ITGB3BP: variants seen among roughly 807,000 people sequenced by gnomAD.
ITGB3BP encodes the protein integrin subunit beta 3 binding protein, also known as centromere protein R.
A neutral mutation model predicts 29.1 loss-of-function variants in ITGB3BP; 27 were observed. The ratio of observed to expected loss-of-function variants is 0.93; its 90% CI spans 0.68 to 1.28. The LOEUF is 1.28. ITGB3BP is among the 50% of genes most tolerant of loss of function. ITGB3BP has a pLI of 0.00. For missense variants in ITGB3BP, 192 were observed against 200.2 expected (o/e 0.96, Z 0.25); for synonymous variants, 61 against 61.4 (o/e 0.99, Z 0.03).
intron 2 of ITGB3BP, among the ~76,000 whole-genome samples, chr1:63,506,882 A>G (rs1205345080): frequency 6.6e-6 from 1 of 152,200 alleles, no homozygotes; most frequent in Non-Finnish European, 1.5e-5. Flanking sequence ...GTAGGTATAT[A>G]TTTTGAATGT....
chr1:63,453,784 AAAAG>A, intron 7 of ITGB3BP, 130 bp downstream of exon 7: 1 of 611,648 alleles, frequency 1.6e-6, no homozygotes, highest in Non-Finnish European at 2.9e-6. Context: ...GTGATCTTCT[AAAAG>A]AACATACTTC....
intron 2 of ITGB3BP, among the ~76,000 whole-genome samples, chr1:63,528,362 T>C (rs1010809001): frequency 1.3e-5 from 2 of 152,108 alleles, no homozygotes; most frequent in African/African-American, 2.4e-5. Context: ...TTCTTTCTTA[T>C]CTGTGGGAGC....
chr1:63,485,390 T>C (rs542906666), intron 3 of ITGB3BP, among the ~76,000 whole-genome samples: 1 of 151,870 alleles, frequency 6.6e-6, no homozygotes, highest in African/African-American at 2.4e-5. Flanking sequence ...CCTCCTCACC[T>C]TCCATGATAG....
intron 1 of ITGB3BP, chr1:63,510,188 CA>C (rs67405755): frequency 3.8e-3 from 1,595 of 414,718 alleles, no homozygotes; most frequent in South Asian, 0.016. Flanking sequence ...AAAACTGTCT[CA>C]AAAAAAAAAG....
chr1:63,477,065 A>G (rs1232519831), intron 4 of ITGB3BP, among the ~76,000 whole-genome samples: 1 of 152,188 alleles, frequency 6.6e-6, no homozygotes, highest in African/African-American at 2.4e-5. Context: ...AAACACGCAA[A>G]TATTTGGAGC....
At chr1:63,456,008 C>T (rs1644931198) in intron 4 of ITGB3BP, among the ~76,000 whole-genome samples, 3 of 152,114 alleles carry the variant, frequency 2.0e-5, no homozygotes, top group Admixed American at 2.0e-4. Flanking sequence ...AACAGCACAT[C>T]TCATTTCATA....
chr1:63,514,557 T>C (rs1331591537), intron 1 of ITGB3BP, among the ~76,000 whole-genome samples: 1 of 152,226 alleles, frequency 6.6e-6, no homozygotes, highest in African/African-American at 2.4e-5. Context: ...TTTGTCTTTC[T>C]ACTGTTGATT....
intron 2 of ITGB3BP, among the ~76,000 whole-genome samples, chr1:63,491,267 A>ACTAAC (rs1424875773): frequency 6.6e-6 from 1 of 152,208 alleles, no homozygotes; most frequent in Non-Finnish European, 1.5e-5. Context: ...CTAAATGTGT[A>ACTAAC]CTAATGTGTA....
At chr1:63,511,496 C>T (rs534053597) in intron 1 of ITGB3BP, among the ~76,000 whole-genome samples, 1 of 152,144 alleles carries the variant, frequency 6.6e-6, no homozygotes, top group African/African-American at 2.4e-5. Context: ...ATGTTCACAG[C>T]AGCATTGCTC....
At chr1:63,471,659 T>C (rs944091821) in intron 4 of ITGB3BP, among the ~76,000 whole-genome samples, 1 of 152,240 alleles carries the variant, frequency 6.6e-6, no homozygotes. Flanking sequence ...TTTCCCATGC[T>C]GATAACAAAT....
chr1:63,501,354 T>C (rs1645924076), intron 2 of ITGB3BP, among the ~76,000 whole-genome samples: 1 of 152,008 alleles, frequency 6.6e-6, no homozygotes, highest in South Asian at 2.1e-4. Context: ...TTATGCTAAA[T>C]GAAAGAAGCC....
intron 2 of ITGB3BP, among the ~76,000 whole-genome samples, chr1:63,499,065 C>G (rs191637705): frequency 6.6e-6 from 1 of 151,010 alleles, no homozygotes; most frequent in Admixed American, 6.6e-5. Flanking sequence ...AATAAATCAA[C>G]AGCATGTAAA....
At chr1:63,488,533 G>A (rs978867095) in intron 3 of ITGB3BP, among the ~76,000 whole-genome samples, 3 of 151,990 alleles carry the variant, frequency 2.0e-5, no homozygotes, top group Admixed American at 6.6e-5. Flanking sequence ...GACTTCATAC[G>A]TCATATTTTC....
chr1:63,509,769 T>A (rs892288233), intron 1 of ITGB3BP, among the ~76,000 whole-genome samples: 1 of 152,190 alleles, frequency 6.6e-6, no homozygotes, highest in Non-Finnish European at 1.5e-5. Flanking sequence ...GATTTCCCAA[T>A]GAGGCAAGAA....
intron 3 of ITGB3BP, among the ~76,000 whole-genome samples, chr1:63,479,563 T>C (rs559311645): frequency 1.3e-5 from 2 of 152,262 alleles, no homozygotes; most frequent in South Asian, 2.1e-4. Context: ...TTAGCTGAAA[T>C]TTTTTATCAT....
chr1:63,453,075 A>C (rs1370755555), intron 7 of ITGB3BP, among the ~76,000 whole-genome samples: 1 of 152,214 alleles, frequency 6.6e-6, no homozygotes, highest in Non-Finnish European at 1.5e-5. Flanking sequence ...TCTGTTACCT[A>C]AGTAGAAGTC....
Position 63,499,061 on chromosome 1 carries a change from T to C in ITGB3BP, c.49-8843A>G, listed in dbSNP as rs563704230. On this transcript the variant is annotated intron_variant, in intron 2 of 8. Coordinates refer to ENST00000271002, the MANE Select transcript of ITGB3BP (RefSeq NM_014288.5). ...TGGAGAACAGGAAAATCTTAATAAATCAACAGCATGTAAAGACATAAGAGT... is the reference window on the plus strand; with the variant it reads ...TGGAGAACAGGAAAATCTTAATAAACCAACAGCATGTAAAGACATAAGAGT... Among the ~76,000 whole-genome samples the C allele has an allele frequency of 2.4e-4, 36 of 150,468 alleles. 1 individual carries two copies. The South Asian group carries it at 3.4e-3, about 14-fold the overall frequency.
chr1:63,478,162 G>T (rs6588039), intron 4 of ITGB3BP, among the ~76,000 whole-genome samples: 146,648 of 152,318 alleles, frequency 0.96, 70,874 homozygotes, highest in Middle Eastern at 1. Context: ...TCAGGACAGA[G>T]GCAACCATTC....
chr1:63,495,933 G>T (rs1211426765), intron 2 of ITGB3BP, among the ~76,000 whole-genome samples: 1 of 152,096 alleles, frequency 6.6e-6, no homozygotes, highest in Non-Finnish European at 1.5e-5. Flanking sequence ...GTAGATTAGG[G>T]CAGGGCTTTT....
Sources: gnomAD v4.1 joint callset for allele counts (sites outside exome capture counted in the v4.1 genomes callset) on GRCh38, gnomAD v4.1.1 for gene constraint, MANE v1.5 for transcripts, NCBI Gene and HGNC (gene_info 2026-07-23, HGNC 2026-07-21) for gene names.